RABGAP1L: variants seen among roughly 807,000 people sequenced by gnomAD.
RABGAP1L encodes RAB GTPase activating protein 1 like, also known as rab GTPase-activating protein 1-like.
A neutral mutation model predicts 137.7 loss-of-function variants in RABGAP1L; 63 were observed. The observed-to-expected ratio is 0.46, with a 90% CI of 0.37 to 0.56. RABGAP1L has a LOEUF of 0.56. Ranked by LOEUF, RABGAP1L falls within the 20% of genes least tolerant of loss-of-function variation. RABGAP1L has a pLI of 0.00. For missense variants in RABGAP1L, 1,095 were observed against 1,244.0 expected, an observed-to-expected ratio of 0.88 and a Z score of 1.80; for synonymous variants, 431 against 433.7, an observed-to-expected ratio of 0.99 and a Z score of 0.08.
chr1:174,162,369 A>G (rs544652028), intron 1 of RABGAP1L, among the ~76,000 whole-genome samples: 2 of 152,320 alleles, frequency 1.3e-5, no homozygotes, highest in Non-Finnish European at 2.9e-5. Flanking sequence ...AAGTCCTTTT[A>G]TCCATGCTTT....
intron 13 of RABGAP1L, among the ~76,000 whole-genome samples, chr1:174,635,258 C>T (rs570211330): frequency 1.3e-5 from 2 of 151,986 alleles, no homozygotes; most frequent in South Asian, 2.1e-4. Context: ...CTGAAAAGTA[C>T]AAAAAGAGTT....
At chr1:174,881,099 A>G (rs1215965238) in intron 19 of RABGAP1L, among the ~76,000 whole-genome samples, 1 of 152,168 alleles carries the variant, frequency 6.6e-6, no homozygotes, top group Admixed American at 6.5e-5. Flanking sequence ...ACGCAGGCAC[A>G]TAAGAGACTG....
intron 11 of RABGAP1L, among the ~76,000 whole-genome samples, chr1:174,327,164 A>C (rs958106100): frequency 1.2e-4 from 18 of 152,192 alleles, no homozygotes; most frequent in African/African-American, 3.9e-4. Flanking sequence ...GGCAAATTCA[A>C]CATACTCTAA....
At chr1:174,531,429 G>A (rs571806610) in intron 13 of RABGAP1L, among the ~76,000 whole-genome samples, 57 of 152,172 alleles carry the variant, frequency 3.7e-4, no homozygotes, top group African/African-American at 1.1e-3. Flanking sequence ...AAGAATTTCA[G>A]ATTTAGATAA....
intron 18 of RABGAP1L, among the ~76,000 whole-genome samples, chr1:174,795,763 C>A (rs1305598423): frequency 6.6e-6 from 1 of 152,104 alleles, no homozygotes; most frequent in Non-Finnish European, 1.5e-5. Context: ...TTTATAGAGA[C>A]AAGGTTTTTG....
In RABGAP1L at chr1:174,383,075, G is replaced by C. The variant is rs199521575; in HGVS notation, c.1560-10920G>C. ...TGTGAGGTGTCAGTGTGCCCCTGCTGGGGGGTGCCTCCCAGTTAGGCTGCT... is the reference window on the plus strand; with the variant it reads ...TGTGAGGTGTCAGTGTGCCCCTGCTCGGGGGTGCCTCCCAGTTAGGCTGCT... On this transcript the variant is annotated intron_variant, in intron 12 of 25. Coordinates refer to ENST00000681986, the MANE Select transcript of RABGAP1L (RefSeq NM_001366446.1). Among the ~76,000 whole-genome samples the C allele has an allele frequency of 8.5e-4, 128 of 151,186 alleles. 3 individuals are homozygous for C. The East Asian group carries it at 0.024, about 29-fold the overall frequency.
intron 18 of RABGAP1L, among the ~76,000 whole-genome samples, chr1:174,779,995 G>T (rs912250911): frequency 2.0e-5 from 3 of 151,658 alleles, no homozygotes; most frequent in Admixed American, 2.0e-4. Context: ...GAGCCCAGGA[G>T]GGGGAGATTG....
rs139672769 is a variant in RABGAP1L at position 174,521,181 on chromosome 1, A to G, written c.1711-116194A>G. Among the ~76,000 whole-genome samples, 338 of 152,364 alleles carry G rather than the reference A, an allele frequency of 2.2e-3. 2 individuals are homozygous for G. The highest frequency in any genetic ancestry group is 4.9e-3 in the African/African-American group (204 of 41,588). ...AGGCTAAAGAAATTAATTTGATTCAATCATAGTAATTAAAGAAAAATATTT... is the reference window on the plus strand; with the variant it reads ...AGGCTAAAGAAATTAATTTGATTCAGTCATAGTAATTAAAGAAAAATATTT... On this transcript the variant is annotated intron_variant, in intron 13 of 25. Coordinates refer to ENST00000681986, the MANE Select transcript of RABGAP1L (RefSeq NM_001366446.1).
intron 13 of RABGAP1L, among the ~76,000 whole-genome samples, chr1:174,482,834 T>C (rs953263625): frequency 6.6e-6 from 1 of 152,176 alleles, no homozygotes; most frequent in Admixed American, 6.5e-5. Flanking sequence ...TTATTTGAGC[T>C]TCATAATTTG....
chr1:174,877,513 A>T, intron 19 of RABGAP1L: 1 of 1,614,086 alleles, frequency 6.2e-7, no homozygotes, highest in East Asian at 2.2e-5. Flanking sequence ...AGAAATCTCC[A>T]TTATGGTAGC....
chr1:174,981,140 T>C (rs943795378), intron 23 of RABGAP1L, among the ~76,000 whole-genome samples: 3 of 152,236 alleles, frequency 2.0e-5, no homozygotes, highest in Non-Finnish European at 4.4e-5. Context: ...TCTTGAATAT[T>C]ATCTGGCAAG....
At chr1:174,726,006 A>AAAAC (rs147261352) in intron 17 of RABGAP1L, among the ~76,000 whole-genome samples, 4 of 152,096 alleles carry the variant, frequency 2.6e-5, no homozygotes, top group African/African-American at 9.7e-5. Flanking sequence ...AAATATATTT[A>AAAAC]AAACAAACAA....
At position 174,512,105 on chromosome 1, in the gene RABGAP1L, C is replaced by G. The variant is rs1026291332; in HGVS notation, c.1710+117960C>G. Reference sequence around the variant, plus strand: ...AGGGTAATTAACATATCCATTGTCTCAAACTAGATGATTTTTAATGAATAA... The same window carrying G: ...AGGGTAATTAACATATCCATTGTCTGAAACTAGATGATTTTTAATGAATAA... On this transcript the variant is annotated intron_variant, in intron 13 of 25. Coordinates refer to ENST00000681986, the MANE Select transcript of RABGAP1L (RefSeq NM_001366446.1). Among the ~76,000 whole-genome samples the G allele has an allele frequency of 5.9e-5, 9 of 152,120 alleles. No homozygotes were observed. The East Asian group carries it at 1.7e-3, about 29-fold the overall frequency.
intron 14 of RABGAP1L, among the ~76,000 whole-genome samples, chr1:174,640,061 T>C (rs1674404071): frequency 6.6e-6 from 1 of 152,146 alleles, no homozygotes. Context: ...TTAGACATAG[T>C]ATTAAATAAA....
At chr1:174,682,824 A>G (rs555169407) in intron 14 of RABGAP1L, among the ~76,000 whole-genome samples, 1 of 152,254 alleles carries the variant, frequency 6.6e-6, no homozygotes. Context: ...GCTGTACTCC[A>G]GATGGCCTGG....
At chr1:174,269,025 C>T (rs1310112990) in intron 7 of RABGAP1L, among the ~76,000 whole-genome samples, 3 of 152,228 alleles carry the variant, frequency 2.0e-5, no homozygotes, top group Admixed American at 2.0e-4. Flanking sequence ...CTCACACAAG[C>T]TCTGCCTCCC....
chr1:174,215,999 T>G (rs1256620649), intron 1 of RABGAP1L, among the ~76,000 whole-genome samples: 1 of 152,120 alleles, frequency 6.6e-6, no homozygotes, highest in Non-Finnish European at 1.5e-5. Flanking sequence ...TGCAGCAACA[T>G]GGATGAAAGC....
intron 19 of RABGAP1L, among the ~76,000 whole-genome samples, chr1:174,832,769 C>T (rs1279244353): frequency 2.0e-5 from 3 of 152,230 alleles, no homozygotes; most frequent in Non-Finnish European, 4.4e-5. Context: ...TCCCTTTCTC[C>T]AGCTTGCCAC....
At chr1:174,983,835 A>G (rs574060282) in intron 24 of RABGAP1L, among the ~76,000 whole-genome samples, 7 of 152,270 alleles carry the variant, frequency 4.6e-5, no homozygotes, top group East Asian at 3.9e-4. Context: ...CAAAATGTCA[A>G]TGAGAGATTT....
Sources: allele counts gnomAD v4.1 joint callset (sites outside exome capture counted in the v4.1 genomes callset), GRCh38; gene constraint gnomAD v4.1.1; transcripts MANE v1.5; gene names NCBI Gene and HGNC (gene_info 2026-07-23, HGNC 2026-07-21).